Variants in TECRL observed in about 807,000 individuals in gnomAD.
The protein encoded by TECRL is trans-2,3-enoyl-CoA reductase-like.
In TECRL, 63 loss-of-function variants were observed where a neutral mutation model predicts 52.8. That is an observed-to-expected ratio of 1.19 (90% CI 0.97 to 1.47). TECRL has a LOEUF of 1.47. Among genes scored for constraint, TECRL ranks in the 40% most tolerant of loss-of-function variants. The probability of loss-of-function intolerance (pLI) is 0.00; values close to 1 mark genes in which losing one functional copy is unlikely to be tolerated. For missense variants in TECRL, 482 were observed against 429.6 expected, an observed-to-expected ratio of 1.12 and a Z score of -1.08; for synonymous variants, 164 against 141.9, an observed-to-expected ratio of 1.16 and a Z score of -1.10.
At chr4:64,386,966 G>A (rs1172266877) in intron 1 of TECRL, among the ~76,000 whole-genome samples, 1 of 152,084 alleles carries the variant, frequency 6.6e-6, no homozygotes, top group African/African-American at 2.4e-5. Context: ...TTACAATGGG[G>A]TTCACTCATG....
At chr4:64,356,626 C>G (rs1720792908) in intron 2 of TECRL, among the ~76,000 whole-genome samples, 2 of 152,150 alleles carry the variant, frequency 1.3e-5, no homozygotes, top group Non-Finnish European at 1.5e-5. Context: ...TTCTCGCTGA[C>G]CTTCTCCCTA....
At chr4:64,339,470 A>G (rs1719387800) in intron 2 of TECRL, among the ~76,000 whole-genome samples, 1 of 151,700 alleles carries the variant, frequency 6.6e-6, no homozygotes, top group Non-Finnish European at 1.5e-5. Context: ...ATGGAAAAAT[A>G]TTTGTTTTCC....
At position 64,393,801 on chromosome 4, in the gene TECRL, G is replaced by T. The variant is rs562851704; in HGVS notation, c.234+15317C>A. ...ATTATTATCTGGAGTGTTCAAGAAG[G>T]TCAGAGTCCCAGTTACGATTACAAT... On this transcript the variant is annotated intron_variant, in intron 1 of 11. Coordinates refer to ENST00000381210, the MANE Select transcript of TECRL (RefSeq NM_001010874.5). Among the ~76,000 whole-genome samples the T allele has an allele frequency of 7.9e-5, 12 of 151,896 alleles. No individual in the cohort carries two copies. The South Asian group carries it at 1.5e-3, about 18-fold the overall frequency.
chr4:64,393,863 T>C (rs1723727940), intron 1 of TECRL, among the ~76,000 whole-genome samples: 1 of 151,996 alleles, frequency 6.6e-6, no homozygotes, highest in African/African-American at 2.4e-5. Flanking sequence ...CCATCATGCA[T>C]ATTATTTTTA....
At chr4:64,364,390 A>G (rs6551824) in intron 2 of TECRL, among the ~76,000 whole-genome samples, 136,511 of 151,908 alleles carry the variant, frequency 0.9, 61,999 homozygotes, top group East Asian at 1. Context: ...GCTAGTAGGC[A>G]GAAAGAAATA....
intron 1 of TECRL, among the ~76,000 whole-genome samples, chr4:64,382,816 G>T (rs915240689): frequency 2.0e-5 from 3 of 151,688 alleles, no homozygotes; most frequent in Admixed American, 2.0e-4. Context: ...ATTGCAGTTT[G>T]GTGGTTTTCT....
intron 1 of TECRL, among the ~76,000 whole-genome samples, chr4:64,379,822 A>T (rs1184542198): frequency 6.6e-6 from 1 of 152,066 alleles, no homozygotes; most frequent in Non-Finnish European, 1.5e-5. Flanking sequence ...CAAATAGTTG[A>T]TTCTATAGCT....
At chr4:64,388,755 A>C (rs1037896050) in intron 1 of TECRL, among the ~76,000 whole-genome samples, 1 of 151,920 alleles carries the variant, frequency 6.6e-6, no homozygotes, top group Non-Finnish European at 1.5e-5. Flanking sequence ...TGTTAGATTT[A>C]TACCTAAGTA....
At position 64,279,772 on chromosome 4, in the gene TECRL, G is replaced by A. The variant is rs1227495521; in HGVS notation, c.*300C>T. ...TAATCAGATTTTTTTTTTTGCTGTG[G>A]TATTTTGTCTTATGCAAATAGTATT... On this transcript the variant is annotated 3_prime_UTR_variant, in exon 12 of 12. Coordinates refer to ENST00000381210, the MANE Select transcript of TECRL (RefSeq NM_001010874.5). 2.0e-6 allele frequency: 2 copies of A among 989,740 alleles called. No individual in the cohort carries two copies. Among genetic ancestry groups the A allele is most frequent in the South Asian group, 9.3e-5 (2 of 21,454 alleles). The allele number at this position is 989,740 out of a possible 1,614,324, so 61.3% of individuals were successfully genotyped here. A position where few individuals can be genotyped will look rare whatever the true frequency, so the allele number is the denominator to read the frequency against.
chr4:64,346,404 C>T (rs1459842711), intron 2 of TECRL, among the ~76,000 whole-genome samples: 1 of 152,246 alleles, frequency 6.6e-6, no homozygotes, highest in East Asian at 1.9e-4. Context: ...CTACAGCCGA[C>T]TTCTGTCTAG....
In TECRL at chr4:64,291,589, A is replaced by C. The variant is rs145127128; in HGVS notation, c.775-1822T>G. On this transcript the variant is annotated intron_variant, in intron 8 of 11. Transcript: ENST00000381210. ...GAAACGTATTTGTTTTGAGATTATT[A>C]ATATTTTCATACTCATTCAAACATC... 3.2e-3 allele frequency among the ~76,000 whole-genome samples: 491 copies of C among 152,060 alleles called. 2 individuals are homozygous for C. Among genetic ancestry groups the C allele is most frequent in the African/African-American group, 0.011 (474 of 41,572 alleles).
At chr4:64,397,861 G>A (rs1724065108) in intron 1 of TECRL, 1 of 150,888 alleles carries the variant, frequency 6.6e-6, no homozygotes, top group Non-Finnish European at 1.5e-5. Context: ...TTAAACACAG[G>A]GTTGATATTC....
intron 9 of TECRL, among the ~76,000 whole-genome samples, chr4:64,281,979 A>G (rs1357076334): frequency 6.6e-6 from 1 of 151,894 alleles, no homozygotes; most frequent in Non-Finnish European, 1.5e-5. Context: ...AGATTATTAA[A>G]TACCTCAAAA....
At chr4:64,361,825 A>C (rs1055923619) in intron 2 of TECRL, among the ~76,000 whole-genome samples, 1 of 152,042 alleles carries the variant, frequency 6.6e-6, no homozygotes, top group Non-Finnish European at 1.5e-5. Flanking sequence ...ACCTCCAAAA[A>C]CCTGCACTAA....
intron 6 of TECRL, among the ~76,000 whole-genome samples, chr4:64,309,359 A>T (rs1485411652): frequency 2.6e-5 from 4 of 152,084 alleles, no homozygotes; most frequent in Non-Finnish European, 5.9e-5. Flanking sequence ...ATATTTTTTC[A>T]TGTTTTGGTA....
intron 2 of TECRL, among the ~76,000 whole-genome samples, chr4:64,359,826 T>C (rs1205521469): frequency 6.6e-6 from 1 of 152,104 alleles, no homozygotes; most frequent in Non-Finnish European, 1.5e-5. Flanking sequence ...CATTAATATA[T>C]AGCAATATAA....
chr4:64,347,225 C>T (rs752652619), intron 2 of TECRL, among the ~76,000 whole-genome samples: 5 of 152,094 alleles, frequency 3.3e-5, no homozygotes, highest in Admixed American at 6.5e-5. Flanking sequence ...CAACATGATA[C>T]AGGAATCTTT....
chr4:64,277,604 T>C (rs1170045095), downstream of TECRL: 1 of 151,880 alleles, frequency 6.6e-6, no homozygotes, highest in East Asian at 1.9e-4. Context: ...CCAGTGTATA[T>C]AGACCTGCTT....
chr4:64,369,367 G>A (rs1382840101), intron 2 of TECRL, among the ~76,000 whole-genome samples: 1 of 152,050 alleles, frequency 6.6e-6, no homozygotes, highest in Non-Finnish European at 1.5e-5. Context: ...ACTGCCATAT[G>A]ACCTTAGACA....
Sources: gnomAD v4.1 joint callset for allele counts (sites outside exome capture counted in the v4.1 genomes callset) on GRCh38, gnomAD v4.1.1 for gene constraint, MANE v1.5 for transcripts, NCBI Gene and HGNC (gene_info 2026-07-23, HGNC 2026-07-21) for gene names.